Variants in ITGA9 observed in about 807,000 individuals in gnomAD.
ITGA9 encodes integrin alpha-9.
A neutral mutation model predicts 127.8 loss-of-function variants in ITGA9; 56 were observed. The observed-to-expected ratio is 0.44, with a 90% confidence interval of 0.35 to 0.55. ITGA9 has a LOEUF of 0.55. Ranked by LOEUF, ITGA9 falls within the 20% of genes least tolerant of loss-of-function variation. The pLI is 0.00. For missense variants in ITGA9, 1,196 were observed against 1,347.1 expected, an observed-to-expected ratio of 0.89 and a Z score of 1.76; for synonymous variants, 508 against 514.5, an observed-to-expected ratio of 0.99 and a Z score of 0.17.
intron 18 of ITGA9, among the ~76,000 whole-genome samples, chr3:37,701,162 A>G (rs6789324): frequency 0.13 from 19,319 of 152,196 alleles, 3,573 homozygotes; most frequent in African/African-American, 0.41. Flanking sequence ...CTTTGTCCAC[A>G]TGGGTTTCTG....
intron 23 of ITGA9, among the ~76,000 whole-genome samples, chr3:37,768,260 A>G (rs1006827969): frequency 2.0e-5 from 3 of 152,172 alleles, no homozygotes; most frequent in Admixed American, 2.0e-4. Context: ...TTCTAGATGG[A>G]TAATATGAAG....
Position 37,629,403 on chromosome 3 carries a change from A to C in ITGA9, c.1839+67A>C, listed in dbSNP as rs188168995. On this transcript the variant is annotated intron_variant, in intron 16 of 27. Transcript: ENST00000264741. The surrounding 1 kb of genome is among the most constrained non-coding windows in gnomAD (Gnocchi z 4.5). The stretch of plus-strand genomic sequence containing the variant: ...CTGCACAGAGCAGAAATAATGGCCC[A>C]AAAGTTGAGAGAGCCGTGGGCCTGG... 8.7e-5 allele frequency: 137 copies of C among 1,578,050 alleles called. No homozygotes were observed. In the African/African-American group the frequency reaches 1.6e-3, roughly 19 times the overall value.
intron 16 of ITGA9, among the ~76,000 whole-genome samples, chr3:37,636,744 T>G (rs1267406928): frequency 2.0e-5 from 3 of 152,198 alleles, no homozygotes; most frequent in Non-Finnish European, 2.9e-5. Flanking sequence ...TAGGTTTTCT[T>G]CTAGGGTTTT....
chr3:37,798,446 A>C (rs1033896619), intron 26 of ITGA9, among the ~76,000 whole-genome samples: 1 of 152,246 alleles, frequency 6.6e-6, no homozygotes, highest in Non-Finnish European at 1.5e-5. Context: ...TGTGGTCCAC[A>C]GACCAGCAGC....
intron 26 of ITGA9, chr3:37,790,370 T>C (rs1378588014): frequency 3.9e-6 from 2 of 506,804 alleles, no homozygotes; most frequent in East Asian, 1.1e-4. Context: ...GGAGAGGGCT[T>C]CATCTTGCTG....
chr3:37,475,913 G>C (rs536342046), intron 3 of ITGA9, among the ~76,000 whole-genome samples: 15 of 152,290 alleles, frequency 9.8e-5, no homozygotes, highest in Non-Finnish European at 1.5e-4. Context: ...TTAAGAGTTT[G>C]ACTACTTTAG....
At chr3:37,474,123 C>T (rs963875268) in intron 3 of ITGA9, among the ~76,000 whole-genome samples, 5 of 152,066 alleles carry the variant, frequency 3.3e-5, no homozygotes, top group Non-Finnish European at 5.9e-5. Flanking sequence ...AGTTATTTAT[C>T]GGACCTCCAA....
At chr3:37,816,098 A>T (rs73825434) in intron 27 of ITGA9, among the ~76,000 whole-genome samples, 1,643 of 152,278 alleles carry the variant, frequency 0.011, 28 homozygotes, top group African/African-American at 0.037. Flanking sequence ...GGCTGGGAAA[A>T]TAGACTCCAC....
chr3:37,653,776 A>T lies in ITGA9; in HGVS notation c.1902A>T (p.Lys634Asn). 1 of 1,612,646 alleles carries T rather than the reference A, an allele frequency of 6.2e-7. No homozygotes were observed. Among genetic ancestry groups the T allele is most frequent in the Non-Finnish European group, 8.5e-7 (1 of 1,178,702 alleles). Residue 634 changes from lysine to asparagine, a missense_variant, in exon 17 of 28, where the codon AAA becomes AAT. By Grantham distance (94) the Lys-to-Asn change is moderately conservative. Coordinates refer to ENST00000264741, the MANE Select transcript of ITGA9 (RefSeq NM_002207.3). ...CCGCAGACCTGCAGCTTCAGGGTAA[A>T]CTGCTGCTCTCCAGGTATGTCGGTG... ...DCAADLQLQG[K>N]LLLSSMDEKT...
chr3:37,762,707 T>C (rs1383021112), intron 23 of ITGA9, among the ~76,000 whole-genome samples: 1 of 152,226 alleles, frequency 6.6e-6, no homozygotes, highest in African/African-American at 2.4e-5. Context: ...TTTCAAACGA[T>C]GTCAAAGAAA....
intron 15 of ITGA9, among the ~76,000 whole-genome samples, chr3:37,613,544 C>T (rs1700044603): frequency 6.6e-6 from 1 of 152,234 alleles, no homozygotes; most frequent in South Asian, 2.1e-4. Flanking sequence ...ACCACACTGA[C>T]TTCCACAATG....
At position 37,477,158 on chromosome 3, in the gene ITGA9, C is replaced by T. The variant is rs114086624; in HGVS notation, c.420+3698C>T. On this transcript the variant is annotated intron_variant, in intron 3 of 27. Transcript: ENST00000264741. The stretch of plus-strand genomic sequence containing the variant: ...GAGCTTTCTGGGAGGCAAGTATTTA[C>T]TTTTAAATTAAAAATGGGAAGGATA... Among the ~76,000 whole-genome samples the T allele has an allele frequency of 7.7e-3, 1,168 of 152,200 alleles. 15 individuals carry two copies. Among genetic ancestry groups the T allele is most frequent in the African/African-American group, 0.026 (1,083 of 41,490 alleles).
At chr3:37,817,114 C>T (rs753615168) in intron 27 of ITGA9, among the ~76,000 whole-genome samples, 36 of 152,194 alleles carry the variant, frequency 2.4e-4, no homozygotes, top group Admixed American at 3.9e-4. Context: ...TGATGCTTCC[C>T]TGGATGTTTG....
At chr3:37,611,347 G>A (rs1412676750) in intron 15 of ITGA9, among the ~76,000 whole-genome samples, 1 of 152,170 alleles carries the variant, frequency 6.6e-6, no homozygotes, top group Non-Finnish European at 1.5e-5. Context: ...ATAAGGAGCA[G>A]TGGGGACAGG....
chr3:37,823,200 G>GT lies in ITGA9; in HGVS notation c.*4217dup, dbSNP rs1193367986. ...GATCTAGATTTCAGACTGTGTTAAG[G>GT]TTTTTTCTTTGTTGATGTTGTTGTT... On this transcript the variant is annotated 3_prime_UTR_variant, in exon 28 of 28. Transcript: ENST00000264741. 6.6e-6 allele frequency: 1 copy of GT among 152,178 alleles called. No homozygotes were observed. Among genetic ancestry groups the GT allele is most frequent in the Non-Finnish European group, 1.5e-5 (1 of 68,046 alleles). The allele number at this position is 152,178 out of a possible 1,614,324, so 9.4% of individuals were successfully genotyped here.
intron 9 of ITGA9, among the ~76,000 whole-genome samples, chr3:37,514,349 A>G (rs994279490): frequency 1.3e-5 from 2 of 152,192 alleles, no homozygotes; most frequent in African/African-American, 4.8e-5. Flanking sequence ...TCTCAAGGTT[A>G]TGCCACCTCT....
At chr3:37,639,764 A>AT (rs957870625) in intron 16 of ITGA9, among the ~76,000 whole-genome samples, 11 of 152,162 alleles carry the variant, frequency 7.2e-5, no homozygotes, top group African/African-American at 2.4e-4. Context: ...AGTCTGTGTG[A>AT]TACCCCCCAG....
At position 37,542,461 on chromosome 3, in the gene ITGA9, A is replaced by C. The variant is rs779123508; in HGVS notation, c.1565A>C (p.Lys522Thr). 2.5e-6 allele frequency: 4 copies of C among 1,613,892 alleles called. No individual in the cohort carries two copies. In the Admixed American group the frequency reaches 6.7e-5, roughly 27 times the overall value. Residue 522 changes from lysine (K) to threonine (T), a missense_variant, in exon 15 of 28, where the codon AAG becomes ACG. Transcript: ENST00000264741. ...NYVLMADVAK[K>T]EKGQMPRVYF... Reference sequence around the variant, plus strand: ...GTTCTGATGGCTGACGTGGCCAAAAAGGAGAAGGGCCAGATGCCCAGGGTC... The same window carrying C: ...GTTCTGATGGCTGACGTGGCCAAAACGGAGAAGGGCCAGATGCCCAGGGTC...
rs1212614293 is a variant in ITGA9, at chr3:37,808,359, A to G, written c.3009+4417A>G. On this transcript the variant is annotated intron_variant, in intron 27 of 27. Coordinates refer to ENST00000264741, the MANE Select transcript of ITGA9 (RefSeq NM_002207.3). ...GGAGGGAGAGAATCCACCTGGCCCA[A>G]TGTGGGTCATATGTCTCCCACGGAG... 6 of 152,174 alleles carry G rather than the reference A, an allele frequency of 3.9e-5. No homozygotes were observed. In the East Asian group the frequency reaches 7.7e-4, roughly 20 times the overall value. The allele number at this position is 152,174 out of a possible 1,614,324, so 9.4% of individuals were successfully genotyped here.
Sources: gnomAD v4.1 joint callset for allele counts (sites outside exome capture counted in the v4.1 genomes callset) on GRCh38, gnomAD v4.1.1 for gene constraint, Gnocchi (gnomAD v3.1) non-coding constraint, MANE v1.5 for transcripts, NCBI Gene and HGNC (gene_info 2026-07-23, HGNC 2026-07-21) for gene names.